The following GPR61 variants were observed in gnomAD, a reference collection of about 807,000 sequenced individuals.
GPR61 encodes the protein G-protein coupled receptor 61.
In GPR61, 15 loss-of-function variants were observed where a neutral mutation model predicts 29.2. That is an observed-to-expected ratio of 0.51 (90% CI 0.34 to 0.79). The LOEUF is 0.79. GPR61 is among the 30% of genes least tolerant of loss of function. GPR61 has a pLI of 0.01. For missense variants in GPR61, 399 were observed against 582.5 expected (o/e 0.69, Z 3.24); for synonymous variants, 238 against 242.3 (o/e 0.98, Z 0.17).
At position 109,543,472 on chromosome 1, in the gene GPR61, C is replaced by T. The variant is rs1418144563; in HGVS notation, c.450C>T (p.Tyr150=). ...ATTACGTAGTCCACCCCATGCGCTA[C>T]GAGGTGCGCATGACGCTGGGGCTGG... ...RYYYVVHPMR[Y]EVRMTLGLVA... is the part of the protein sequence containing the mutation. The change falls in exon 2 of 2, where the codon TAC becomes TAT. Residue 150 remains tyrosine (Y), a synonymous_variant. Coordinates refer to ENST00000527748, the MANE Select transcript of GPR61 (RefSeq NM_001393907.1). The surrounding 1 kb of genome is among the most constrained non-coding windows in gnomAD (Gnocchi z 6.8). 14 of 1,613,790 alleles carry T rather than the reference C, an allele frequency of 8.7e-6. No individual in the cohort carries two copies. The highest frequency in any genetic ancestry group is 7.7e-5 in the South Asian group (7 of 91,074).
In GPR61 at chr1:109,542,413, A is replaced by G. The variant is rs1647665915; in HGVS notation, c.-601-9A>G. On this transcript the variant is annotated splice_polypyrimidine_tract_variant and intron_variant, in intron 1 of 1. Transcript: ENST00000527748. ...TTGTGAAGCAAGTGTTCTTCCTTTC[A>G]TTTTACAGATGGATTTATGAGGAAA... The G allele has an allele frequency of 3.4e-6, 1 of 297,802 alleles. No individual in the cohort carries two copies. The highest frequency in any genetic ancestry group is 6.8e-6 in the Non-Finnish European group (1 of 146,086). 18.4% of individuals were successfully genotyped at this position (297,802 alleles called of 1,614,324 possible).
chr1:109,543,956 C>G lies in GPR61; in HGVS notation c.934C>G (p.Leu312Val), dbSNP rs1647722074. The change falls in exon 2 of 2, where the codon CTG (leucine) becomes GTG (valine). Residue 312 changes from leucine to valine, a missense_variant. This residue lies in a region of GPR61 where 320 missense variants were observed against 459.8 expected (regional missense o/e 0.70). Coordinates refer to ENST00000527748, the MANE Select transcript of GPR61 (RefSeq NM_001393907.1). This position sits in a 1 kb window ranked among gnomAD's most constrained non-coding sequence, Gnocchi z 6.8. ...CTTCTCTTTCCACCTCTATGTTGCC[C>G]TGAGTGCTCAGCCCATTTCAACTGG... ...PYFSFHLYVA[L>V]SAQPISTGQV... 1.2e-6 allele frequency: 2 copies of G among 1,614,106 alleles called. No individual in the cohort carries two copies. The highest frequency in any genetic ancestry group is 2.7e-5 in the African/African-American group (2 of 74,940).
chr1:109,540,749 A>C (rs1647611640), intron 1 of GPR61, among the ~76,000 whole-genome samples: 1 of 152,226 alleles, frequency 6.6e-6, no homozygotes, highest in Non-Finnish European at 1.5e-5. Flanking sequence ...GGGAGTGCCC[A>C]TTAGCCAGAT....
chr1:109,540,570 C>T (rs976004506), intron 1 of GPR61, among the ~76,000 whole-genome samples: 1 of 152,122 alleles, frequency 6.6e-6, no homozygotes, highest in African/African-American at 2.4e-5. Context: ...TACTGAAGGT[C>T]CTGGAGGTAA....
Position 109,543,049 on chromosome 1 carries a change from A to G in GPR61, c.27A>G (p.Ser9=). 6.5e-7 allele frequency: 1 copy of G among 1,547,980 alleles called. No individual in the cohort carries two copies. The highest frequency in any genetic ancestry group is 8.7e-7 in the Non-Finnish European group (1 of 1,145,994). MESSPIPQ[S]SGNSSTLGRV... ...TGGAGTCCTCACCCATCCCCCAGTC[A>G]TCAGGGAACTCTTCCACTTTGGGGA... The change falls in exon 2 of 2, where the codon TCA becomes TCG. Residue 9 remains serine, a synonymous_variant. Coordinates refer to ENST00000527748, the MANE Select transcript of GPR61 (RefSeq NM_001393907.1). The surrounding 1 kb of genome is among the most constrained non-coding windows in gnomAD (Gnocchi z 6.8).
At position 109,546,723 on chromosome 1, in the gene GPR61, T is replaced by C. The variant is rs977664605; in HGVS notation, c.*2345T>C. ...GGTTCATTTGCCATTTATTTTTCCC[T>C]GTAGGAGTGGATCATGAAGGAAATA... is the stretch of plus-strand genomic sequence containing the variant. On this transcript the variant is annotated 3_prime_UTR_variant, in exon 2 of 2. Transcript: ENST00000527748. 1.3e-4 allele frequency: 20 copies of C among 152,334 alleles called. No homozygotes were observed. The highest frequency in any genetic ancestry group is 1.2e-3 in the Admixed American group (19 of 15,302). 9.4% of individuals were successfully genotyped at this position (152,334 alleles called of 1,614,324 possible).
In GPR61 at chr1:109,543,711, G is replaced by C; in HGVS notation, c.689G>C (p.Ser230Thr). ...PLLLILVVYC[S>T]MFRVARVAAM... is the part of the protein sequence containing the mutation. ...CTCCTCATACTTGTGGTCTACTGCA[G>C]CATGTTCCGAGTGGCCCGCGTGGCT... The change falls in exon 2 of 2, where the codon AGC (serine) becomes ACC (threonine). Residue 230 changes from serine (S) to threonine (T), a missense_variant. Coordinates refer to ENST00000527748, the MANE Select transcript of GPR61 (RefSeq NM_001393907.1). This position sits in a 1 kb window ranked among gnomAD's most constrained non-coding sequence, Gnocchi z 6.8. 1 of 1,613,532 alleles carries C rather than the reference G, an allele frequency of 6.2e-7. No homozygotes were observed. The highest frequency in any genetic ancestry group is 1.3e-5 in the African/African-American group (1 of 75,066).
At chr1:109,541,637 G>T (rs1232208046) in intron 1 of GPR61, among the ~76,000 whole-genome samples, 1 of 152,222 alleles carries the variant, frequency 6.6e-6, no homozygotes, top group Non-Finnish European at 1.5e-5. Flanking sequence ...TGTGACTGTA[G>T]TAAGTCTAGA....
chr1:109,541,854 A>G (rs1192637966), intron 1 of GPR61, among the ~76,000 whole-genome samples: 1 of 152,192 alleles, frequency 6.6e-6, no homozygotes, highest in Admixed American at 6.5e-5. Context: ...CTGGCCTCCC[A>G]GTTTCCTTCC....
rs759679821 is a variant in GPR61 at position 109,543,340 on chromosome 1, C to T, written c.318C>T (p.Asp106=). Reference sequence around the variant, plus strand: ...TGCTCTCCAGCTCTGCCCTCTTTGACCACGCCCTCTTTGGGGAGGTGGCCT... The same window carrying T: ...TGCTCTCCAGCTCTGCCCTCTTTGATCACGCCCTCTTTGGGGAGGTGGCCT... The part of the protein sequence containing the change: ...LAMLSSSALF[D]HALFGEVACR... The change falls in exon 2 of 2, where the codon GAC becomes GAT. Residue 106 remains aspartate (D), a synonymous_variant. Transcript: ENST00000527748. This position sits in a 1 kb window ranked among gnomAD's most constrained non-coding sequence, Gnocchi z 6.8. The T allele has an allele frequency of 6.2e-7, 1 of 1,613,670 alleles. No individual in the cohort carries two copies. Among genetic ancestry groups the T allele is most frequent in the East Asian group, 2.2e-5 (1 of 44,854 alleles).
At position 109,542,911 on chromosome 1, in the gene GPR61, C is replaced by A. The variant is rs563368415; in HGVS notation, c.-112C>A. On this transcript the variant is annotated 5_prime_UTR_variant, in exon 2 of 2. Coordinates refer to ENST00000527748, the MANE Select transcript of GPR61 (RefSeq NM_001393907.1). ...GCCCAAGAGGCTCCAGTGGGAGGTG[C>A]CCCCTACGAAACCAGGAAGCCTGGG... 9.5e-5 allele frequency: 138 copies of A among 1,446,154 alleles called. 2 individuals are homozygous for A. In the South Asian group the frequency reaches 1.7e-3, roughly 17 times the overall value. The allele number at this position is 1,446,154 out of a possible 1,614,324, so 89.6% of individuals were successfully genotyped here.
In GPR61 at chr1:109,545,977, T is replaced by C. The variant is rs1262051972; in HGVS notation, c.*1599T>C. 6.6e-6 allele frequency: 1 copy of C among 152,222 alleles called. No individual in the cohort carries two copies. Among genetic ancestry groups the C allele is most frequent in the African/African-American group, 2.4e-5 (1 of 41,462 alleles). The allele number at this position is 152,222 out of a possible 1,614,324, so 9.4% of individuals were successfully genotyped here. A position where few individuals can be genotyped will look rare whatever the true frequency, so the allele number is the denominator to read the frequency against. On this transcript the variant is annotated 3_prime_UTR_variant, in exon 2 of 2. Coordinates refer to ENST00000527748, the MANE Select transcript of GPR61 (RefSeq NM_001393907.1). ...TAAGTTGATGAGATACCTTATATTT[T>C]CACAAAGCACTTTGATTTGATAAAG...
At position 109,544,402 on chromosome 1, in the gene GPR61, A is replaced by T. The variant is rs1295458471; in HGVS notation, c.*24A>T. ...GATGGGCCGCTGGACACTCGGAGGG[A>T]TATGGGGCTGGGGCCAGTTATGATT... On this transcript the variant is annotated 3_prime_UTR_variant, in exon 2 of 2. Coordinates refer to ENST00000527748, the MANE Select transcript of GPR61 (RefSeq NM_001393907.1). This position sits in a 1 kb window ranked among gnomAD's most constrained non-coding sequence, Gnocchi z 4.6. 1 of 1,565,104 alleles carries T rather than the reference A, an allele frequency of 6.4e-7. No homozygotes were observed. The highest frequency in any genetic ancestry group is 8.8e-7 in the Non-Finnish European group (1 of 1,142,476).
At chr1:109,540,899 G>A (rs1171472911) in intron 1 of GPR61, among the ~76,000 whole-genome samples, 2 of 152,178 alleles carry the variant, frequency 1.3e-5, no homozygotes, top group East Asian at 3.8e-4. Context: ...TGGCTTCGTG[G>A]CATCCCTCCA....
rs1647823584 is a variant in GPR61, at chr1:109,546,933, G to A, written c.*2555G>A. On this transcript the variant is annotated 3_prime_UTR_variant, in exon 2 of 2. Transcript: ENST00000527748. ...ATCAACAGATTGAGGCAACCATCCGGTCAGTTACTTTTTCCTGCATCCTGC... is the reference window on the plus strand; with the variant it reads ...ATCAACAGATTGAGGCAACCATCCGATCAGTTACTTTTTCCTGCATCCTGC... 1 of 152,194 alleles carries A rather than the reference G, an allele frequency of 6.6e-6. No individual in the cohort carries two copies. Among genetic ancestry groups the A allele is most frequent in the South Asian group, 2.1e-4 (1 of 4,836 alleles). The allele number at this position is 152,194 out of a possible 1,614,324, so 9.4% of individuals were successfully genotyped here. A position where few individuals can be genotyped will look rare whatever the true frequency, so the allele number is the denominator to read the frequency against.
intron 1 of GPR61, among the ~76,000 whole-genome samples, chr1:109,541,143 A>G (rs1045303625): frequency 2.6e-5 from 4 of 152,154 alleles, no homozygotes; most frequent in African/African-American, 9.7e-5. Flanking sequence ...TGAGAAGCTG[A>G]TGTCTCACTT....
rs536184301 is a variant in GPR61, at chr1:109,541,004, G to A, written c.-602+1051G>A. Among the ~76,000 whole-genome samples the A allele has an allele frequency of 3.9e-5, 6 of 152,266 alleles. No homozygotes were observed. In the South Asian group the frequency reaches 1.2e-3, roughly 32 times the overall value. ...CTCTCCTCCTTCAGCCACCAGGGAG[G>A]GACTCTGAACCACATCCTCTGGGCC... On this transcript the variant is annotated intron_variant, in intron 1 of 1. Coordinates refer to ENST00000527748, the MANE Select transcript of GPR61 (RefSeq NM_001393907.1).
intron 1 of GPR61, among the ~76,000 whole-genome samples, chr1:109,541,670 G>T (rs550328939): frequency 6.6e-6 from 1 of 152,230 alleles, no homozygotes; most frequent in African/African-American, 2.4e-5. Flanking sequence ...CTTGGTCAGG[G>T]ATCCTCCAAG....
rs1435999837 is a variant in GPR61, at chr1:109,544,491, A to G, written c.*113A>G. ...CTAGGGCTGAGGCTGGGGTCTCTGC[A>G]CACAGCTTTTGCTTAGTGTTTCCTG... On this transcript the variant is annotated 3_prime_UTR_variant, in exon 2 of 2. Coordinates refer to ENST00000527748, the MANE Select transcript of GPR61 (RefSeq NM_001393907.1). This position sits in a 1 kb window ranked among gnomAD's most constrained non-coding sequence, Gnocchi z 4.6. The G allele has an allele frequency of 4.0e-6, 3 of 750,622 alleles. No homozygotes were observed. The African/African-American group carries it at 5.3e-5, about 13-fold the overall frequency. 46.5% of individuals were successfully genotyped at this position (750,622 alleles called of 1,614,324 possible). A position where few individuals can be genotyped will look rare whatever the true frequency, so the allele number is the denominator to read the frequency against.
Sources: allele counts gnomAD v4.1 joint callset (sites outside exome capture counted in the v4.1 genomes callset), GRCh38; gene constraint gnomAD v4.1.1; regional missense constraint gnomAD v4.1.1; non-coding constraint Gnocchi (gnomAD v3.1); transcripts MANE v1.5; gene names NCBI Gene and HGNC (gene_info 2026-07-23, HGNC 2026-07-21).